WDR70: variants seen among roughly 807,000 people sequenced by gnomAD.
WDR70 encodes WD repeat-containing protein 70.
WDR70 carries 53 observed loss-of-function variants against 88.6 expected under a neutral mutation model. The observed-to-expected ratio is 0.60, with a 90% CI of 0.48 to 0.75. The LOEUF (loss-of-function observed/expected upper bound fraction) is 0.75, where lower values mean the gene tolerates loss of function less well. Among genes scored for constraint, WDR70 ranks in the 30% least tolerant of loss-of-function variants. The pLI is 0.00. For missense variants in WDR70, 610 were observed against 823.2 expected (o/e 0.74, Z 3.17); for synonymous variants, 280 against 270.0 (o/e 1.04, Z -0.36).
intron 17 of WDR70, among the ~76,000 whole-genome samples, chr5:37,749,050 G>A (rs1459516928): frequency 1.3e-5 from 2 of 152,154 alleles, no homozygotes; most frequent in East Asian, 1.9e-4. Context: ...ACAGTATGGC[G>A]ATTCCTCAAG....
At chr5:37,402,813 T>C (rs1208159536) in intron 5 of WDR70, among the ~76,000 whole-genome samples, 1 of 151,992 alleles carries the variant, frequency 6.6e-6, no homozygotes, top group Non-Finnish European at 1.5e-5. Context: ...CCCCGAACCT[T>C]CCCAGCCTCT....
intron 5 of WDR70, among the ~76,000 whole-genome samples, chr5:37,423,751 A>G (rs1745624804): frequency 6.7e-6 from 1 of 149,638 alleles, no homozygotes; most frequent in Admixed American, 6.6e-5. Flanking sequence ...TTTTTAGTAG[A>G]GATGGGGTTT....
At position 37,752,501 on chromosome 5, in the gene WDR70, C is replaced by A. The variant is rs1322450996; in HGVS notation, c.1893C>A (p.Thr631=). The change falls in exon 18 of 18, where the codon ACC becomes ACA. Residue 631 remains threonine, a synonymous_variant. Coordinates refer to ENST00000265107, the MANE Select transcript of WDR70 (RefSeq NM_018034.4). ...TTTCTTTTAGGACTCAGCCCAAAACCATGTTTGCCCAAGTTGAATCTGATG... is the reference window on the plus strand; with the variant it reads ...TTTCTTTTAGGACTCAGCCCAAAACAATGTTTGCCCAAGTTGAATCTGATG... ...SPAYSKTQPK[T]MFAQVESDDE... 6.2e-7 allele frequency: 1 copy of A among 1,611,786 alleles called. No individual in the cohort carries two copies.
intron 10 of WDR70, among the ~76,000 whole-genome samples, chr5:37,677,771 T>G (rs540310299): frequency 6.6e-6 from 1 of 152,322 alleles, no homozygotes; most frequent in Admixed American, 6.5e-5. Flanking sequence ...CAGAGCTGAG[T>G]TCAATTCCTG....
intron 5 of WDR70, among the ~76,000 whole-genome samples, chr5:37,432,859 G>GT (rs1561850257): frequency 6.6e-6 from 1 of 152,050 alleles, no homozygotes; most frequent in African/African-American, 2.4e-5. Flanking sequence ...CACCGCACCC[G>GT]GCCTTTTGCT....
At chr5:37,601,828 C>T (rs1263523627) in intron 9 of WDR70, among the ~76,000 whole-genome samples, 1 of 152,096 alleles carries the variant, frequency 6.6e-6, no homozygotes, top group Non-Finnish European at 1.5e-5. Context: ...CCCAAATGTC[C>T]ATCAGTAATA....
intron 9 of WDR70, among the ~76,000 whole-genome samples, chr5:37,558,917 T>C (rs1055970939): frequency 6.6e-6 from 1 of 151,404 alleles, no homozygotes; most frequent in Admixed American, 6.6e-5. Context: ...ATTTGGTGTA[T>C]TCTTTTTTTT....
At chr5:37,648,068 A>C (rs928600583) in intron 10 of WDR70, among the ~76,000 whole-genome samples, 6 of 152,196 alleles carry the variant, frequency 3.9e-5, no homozygotes, top group Non-Finnish European at 7.3e-5. Context: ...GAGCCAAGCC[A>C]TATTAGGTGT....
intron 10 of WDR70, chr5:37,620,036 T>C (rs1445610968): frequency 6.6e-6 from 1 of 151,356 alleles, no homozygotes; most frequent in Non-Finnish European, 1.5e-5. Context: ...ACAGGGGCCA[T>C]GGTAATCTTC....
chr5:37,494,936 A>C (rs1740170848), intron 8 of WDR70, among the ~76,000 whole-genome samples: 2 of 152,248 alleles, frequency 1.3e-5, no homozygotes, highest in South Asian at 4.1e-4. Flanking sequence ...AAATCCAGCC[A>C]CCACCCTGTT....
chr5:37,518,384 GTTC>G (rs1184624765), intron 9 of WDR70, among the ~76,000 whole-genome samples: 2 of 150,978 alleles, frequency 1.3e-5, no homozygotes, highest in African/African-American at 4.9e-5. Context: ...GGTAACCATC[GTTC>G]TTCTCTCTGT....
In WDR70 at chr5:37,495,457, T is replaced by C. The variant is rs59239438; in HGVS notation, c.840+15470T>C. On this transcript the variant is annotated intron_variant, in intron 8 of 17. Transcript: ENST00000265107. ...ATTATCAGCAATCTCTCTCTCTCTC[T>C]CTCTCTCTTTCTCTCTCTCTGTGTG... 8.8e-3 allele frequency among the ~76,000 whole-genome samples: 1,339 copies of C among 152,064 alleles called. 23 individuals carry two copies. Among genetic ancestry groups the C allele is most frequent in the African/African-American group, 0.031 (1,268 of 41,452 alleles).
chr5:37,713,396 T>G (rs564178146), intron 13 of WDR70, among the ~76,000 whole-genome samples: 1 of 152,326 alleles, frequency 6.6e-6, no homozygotes, highest in South Asian at 2.1e-4. Flanking sequence ...TCTAGTCCTT[T>G]GAAACAATAG....
At chr5:37,635,292 T>C (rs1267024815) in intron 10 of WDR70, among the ~76,000 whole-genome samples, 1 of 152,172 alleles carries the variant, frequency 6.6e-6, no homozygotes, top group African/African-American at 2.4e-5. Flanking sequence ...TTGATAAGGG[T>C]TAGGAGAGGA....
chr5:37,482,322 A>G (rs1010765000), intron 8 of WDR70, among the ~76,000 whole-genome samples: 4 of 152,180 alleles, frequency 2.6e-5, no homozygotes, highest in Middle Eastern at 3.2e-3. Flanking sequence ...GAGACTGGGT[A>G]ATTTATAAAG....
chr5:37,622,472 G>A (rs1364827931), intron 10 of WDR70, among the ~76,000 whole-genome samples: 1 of 151,980 alleles, frequency 6.6e-6, no homozygotes, highest in East Asian at 1.9e-4. Flanking sequence ...ATTCACAATA[G>A]CAAAGACTTG....
chr5:37,597,384 TC>T (rs1743734882), intron 9 of WDR70, among the ~76,000 whole-genome samples: 2 of 152,154 alleles, frequency 1.3e-5, no homozygotes, highest in African/African-American at 4.8e-5. Flanking sequence ...TTAAAGCCAT[TC>T]TTATAGGTTT....
In WDR70 at chr5:37,528,599, A is replaced by G. The variant is rs7704010; in HGVS notation, c.917+12009A>G. Among the ~76,000 whole-genome samples, 1,329 of 151,402 alleles carry G rather than the reference A, an allele frequency of 8.8e-3. 24 individuals are homozygous for G. The highest frequency in any genetic ancestry group is 0.03 in the African/African-American group (1,257 of 41,280). ...CATATGTAACAAACCTGCACGTTGTACACATGTACCCTAGAACTTAAAGTA... is the reference window on the plus strand; with the variant it reads ...CATATGTAACAAACCTGCACGTTGTGCACATGTACCCTAGAACTTAAAGTA... On this transcript the variant is annotated intron_variant, in intron 9 of 17. Transcript: ENST00000265107.
chr5:37,656,750 G>A (rs1023971329), intron 10 of WDR70, among the ~76,000 whole-genome samples: 1 of 152,166 alleles, frequency 6.6e-6, no homozygotes, highest in African/African-American at 2.4e-5. Context: ...AAACTGTGAG[G>A]GGAAAACCGC....
Sources: gnomAD v4.1 joint callset for allele counts (sites outside exome capture counted in the v4.1 genomes callset) on GRCh38, gnomAD v4.1.1 for gene constraint, MANE v1.5 for transcripts, NCBI Gene and HGNC (gene_info 2026-07-23, HGNC 2026-07-21) for gene names.